Variants in RSRC1 observed in about 807,000 individuals in gnomAD.
RSRC1 encodes the protein arginine and serine rich coiled-coil 1.
Under a neutral mutation model 49.1 loss-of-function variants are expected in RSRC1, and 39 were observed. The ratio of observed to expected loss-of-function variants is 0.79; its 90% CI spans 0.61 to 1.04. The LOEUF (loss-of-function observed/expected upper bound fraction) is 1.04, where lower values mean the gene tolerates loss of function less well. RSRC1 is among the 50% of genes least tolerant of loss of function. The pLI is 0.00. For synonymous variants in RSRC1, 143 were observed against 130.8 expected (o/e 1.09, Z -0.63); for missense variants, 388 against 402.4 (o/e 0.96, Z 0.31).
intron 3 of RSRC1, among the ~76,000 whole-genome samples, chr3:158,142,992 A>G (rs1487035029): frequency 6.6e-6 from 1 of 152,216 alleles, no homozygotes; most frequent in Non-Finnish European, 1.5e-5. Flanking sequence ...AGATTGAATG[A>G]ATGATTGACT....
At chr3:158,437,058 A>G (rs1408272806) in intron 6 of RSRC1, among the ~76,000 whole-genome samples, 3 of 151,920 alleles carry the variant, frequency 2.0e-5, no homozygotes, top group East Asian at 1.9e-4. Flanking sequence ...AGATAATTCT[A>G]TAGAAGAGGC....
intron 7 of RSRC1, among the ~76,000 whole-genome samples, chr3:158,516,537 C>T (rs1291547480): frequency 2.0e-5 from 3 of 152,320 alleles, no homozygotes; most frequent in Middle Eastern, 3.4e-3. Context: ...GCAGAGGTTA[C>T]TGCTGTCTTT....
intron 6 of RSRC1, among the ~76,000 whole-genome samples, chr3:158,386,378 A>G (rs1732966205): frequency 6.6e-6 from 1 of 152,078 alleles, no homozygotes; most frequent in East Asian, 1.9e-4. Flanking sequence ...AATTGTATGT[A>G]ATCTTGTTTA....
intron 3 of RSRC1, among the ~76,000 whole-genome samples, chr3:158,186,207 AG>A (rs1719922396): frequency 6.6e-6 from 1 of 152,002 alleles, no homozygotes; most frequent in African/African-American, 2.4e-5. Flanking sequence ...ATGCAGTTGT[AG>A]TGCCCACCTG....
At chr3:158,324,363 C>T (rs1172383610) in intron 5 of RSRC1, among the ~76,000 whole-genome samples, 1 of 152,094 alleles carries the variant, frequency 6.6e-6, no homozygotes, top group Non-Finnish European at 1.5e-5. Context: ...GCTATATCTC[C>T]TAATGCTTTC....
At chr3:158,261,297 G>A (rs1387897694) in intron 4 of RSRC1, among the ~76,000 whole-genome samples, 1 of 152,080 alleles carries the variant, frequency 6.6e-6, no homozygotes, top group Non-Finnish European at 1.5e-5. Flanking sequence ...TTTAATTTTA[G>A]ACATTCTAAT....
In RSRC1 at chr3:158,487,949, G is replaced by GGAAAA. The variant is rs1553814781; in HGVS notation, c.652+26946_652+26947insGAAAA. ...TAGGAGACAAGAGACTCCATCTCAA[G>GGAAAA]AAAAAAAAAAAAAAAAAAAAAAAAA... On this transcript the variant is annotated intron_variant, in intron 7 of 9. Transcript: ENST00000611884. 9.7e-4 allele frequency among the ~76,000 whole-genome samples: 28 copies of GGAAAA among 28,914 alleles called. 1 individual carries two copies. Among genetic ancestry groups the GGAAAA allele is most frequent in the African/African-American group, 2.3e-3 (17 of 7,478 alleles). The allele number at this position is 28,914 out of a possible 152,430, so 19.0% of individuals were successfully genotyped here.
At chr3:158,117,569 A>G (rs1714922049) in intron 1 of RSRC1, among the ~76,000 whole-genome samples, 1 of 152,068 alleles carries the variant, frequency 6.6e-6, no homozygotes, top group Admixed American at 6.5e-5. Context: ...TGATATTACA[A>G]ATGTGAGCCA....
chr3:158,340,664 C>T (rs1032805026), intron 5 of RSRC1, among the ~76,000 whole-genome samples: 13 of 152,146 alleles, frequency 8.5e-5, no homozygotes, highest in Admixed American at 7.2e-4. Flanking sequence ...TTCCCAGTGT[C>T]GGGTATGTCT....
intron 4 of RSRC1, among the ~76,000 whole-genome samples, chr3:158,287,210 G>A (rs1054194666): frequency 1.3e-5 from 2 of 152,094 alleles, no homozygotes; most frequent in African/African-American, 4.8e-5. Flanking sequence ...TTACATATGG[G>A]AATATATTGC....
intron 1 of RSRC1, among the ~76,000 whole-genome samples, chr3:158,118,462 T>TGTGTGTGTGTGC (rs1491469875): frequency 0.023 from 2,868 of 124,530 alleles, 129 homozygotes; most frequent in East Asian, 0.051. Context: ...TGTGTGTGTG[T>TGTGTGTGTGTGC]GCGCGTGCGC....
intron 7 of RSRC1, among the ~76,000 whole-genome samples, chr3:158,472,469 T>C (rs1006374669): frequency 3.3e-5 from 5 of 152,148 alleles, no homozygotes; most frequent in Admixed American, 6.6e-5. Flanking sequence ...TTTCCAAATT[T>C]TTTTCTGATC....
chr3:158,339,650 A>G (rs1730122366), intron 5 of RSRC1, among the ~76,000 whole-genome samples: 1 of 152,190 alleles, frequency 6.6e-6, no homozygotes. Flanking sequence ...GTATGACACT[A>G]AGGAGGATTT....
chr3:158,243,524 T>C (rs975735766), intron 4 of RSRC1, among the ~76,000 whole-genome samples: 2 of 152,208 alleles, frequency 1.3e-5, no homozygotes, highest in Non-Finnish European at 1.5e-5. Flanking sequence ...GCCTTGGCTA[T>C]TGCAGCTTTT....
At position 158,365,380 on chromosome 3, in the gene RSRC1, T is replaced by A. The variant is rs187290984; in HGVS notation, c.583+10472T>A. Among the ~76,000 whole-genome samples, 12 of 152,134 alleles carry A rather than the reference T, an allele frequency of 7.9e-5. No individual in the cohort carries two copies. In the East Asian group the frequency reaches 2.3e-3, roughly 29 times the overall value. On this transcript the variant is annotated intron_variant, in intron 6 of 9. Coordinates refer to ENST00000611884, the MANE Select transcript of RSRC1 (RefSeq NM_001271838.2). ...GTTCTCATTGTTCAACTCCCACTTA[T>A]GAGTGAGAACATGCGGTGTTTGGTT...
intron 7 of RSRC1, among the ~76,000 whole-genome samples, chr3:158,473,372 A>G (rs888920553): frequency 3.9e-5 from 6 of 152,192 alleles, no homozygotes; most frequent in Non-Finnish European, 4.4e-5. Context: ...AGGGACATGG[A>G]TGAAGCTGGA....
chr3:158,235,318 G>A (rs1397254492), intron 4 of RSRC1, among the ~76,000 whole-genome samples: 1 of 152,138 alleles, frequency 6.6e-6, no homozygotes, highest in Non-Finnish European at 1.5e-5. Context: ...GGTCAGAAAT[G>A]ATATTTAGAG....
At chr3:158,475,052 C>G (rs898628631) in intron 7 of RSRC1, among the ~76,000 whole-genome samples, 1 of 151,948 alleles carries the variant, frequency 6.6e-6, no homozygotes, top group Non-Finnish European at 1.5e-5. Context: ...GTAGCTGGGA[C>G]GACAGGCGAG....
intron 4 of RSRC1, among the ~76,000 whole-genome samples, chr3:158,290,540 G>A (rs1726878688): frequency 6.6e-6 from 1 of 152,174 alleles, no homozygotes; most frequent in African/African-American, 2.4e-5. Context: ...CTCCCAAAGT[G>A]TTGGGATTAC....
Sources: gnomAD v4.1 joint callset for allele counts (sites outside exome capture counted in the v4.1 genomes callset) on GRCh38, gnomAD v4.1.1 for gene constraint, MANE v1.5 for transcripts, NCBI Gene and HGNC (gene_info 2026-07-23, HGNC 2026-07-21) for gene names.